TOM1L2: variants seen among roughly 807,000 people sequenced by gnomAD.
The protein encoded by TOM1L2 is TOM1-like protein 2.
A neutral mutation model predicts 67.9 loss-of-function variants in TOM1L2; 31 were observed. The observed-to-expected ratio is 0.46, with a 90% confidence interval of 0.34 to 0.62. The LOEUF (loss-of-function observed/expected upper bound fraction) is 0.62, where lower values mean the gene tolerates loss of function less well. TOM1L2 is among the 20% of genes least tolerant of loss of function. TOM1L2 has a pLI of 0.01. For missense variants in TOM1L2, 606 were observed against 663.5 expected (o/e 0.91, Z 0.95); for synonymous variants, 256 against 254.0 (o/e 1.01, Z -0.07).
At chr17:17,957,896 C>G (rs955422026) in intron 1 of TOM1L2, among the ~76,000 whole-genome samples, 1 of 151,772 alleles carries the variant, frequency 6.6e-6, no homozygotes, top group Non-Finnish European at 1.5e-5. Flanking sequence ...CAAGACCATC[C>G]TGGCTAACAC....
At chr17:17,924,454 G>C (rs2040006589) in intron 1 of TOM1L2, among the ~76,000 whole-genome samples, 1 of 152,124 alleles carries the variant, frequency 6.6e-6, no homozygotes, top group South Asian at 2.1e-4. Flanking sequence ...TCTCAATAAA[G>C]CTGTTGAAAA....
At chr17:17,907,131 C>T (rs372390020) in intron 2 of TOM1L2, among the ~76,000 whole-genome samples, 76 of 152,260 alleles carry the variant, frequency 5.0e-4, no homozygotes, top group Middle Eastern at 6.8e-3. Flanking sequence ...AGGGGAGGGA[C>T]GAGGTGACAC....
intron 1 of TOM1L2, among the ~76,000 whole-genome samples, chr17:17,941,591 TG>T (rs2040736811): frequency 6.6e-6 from 1 of 152,140 alleles, no homozygotes; most frequent in Non-Finnish European, 1.5e-5. Context: ...GTCTTCCCTG[TG>T]GGTCCCTCAC....
chr17:17,847,931 G>T, intron 14 of TOM1L2, 148 bp from the exon 15 acceptor site: 6 of 988,012 alleles, frequency 6.1e-6, no homozygotes, highest in Non-Finnish European at 7.7e-6. Flanking sequence ...TTCGTGAGCT[G>T]CAGTGTGGGG....
At chr17:17,859,281 G>A (rs2036424310) in intron 12 of TOM1L2, 1 of 149,696 alleles carries the variant, frequency 6.7e-6, no homozygotes, top group Non-Finnish European at 1.5e-5. Context: ...CTCCATGTTG[G>A]TCAGGCTGGT....
chr17:17,855,126 G>T (rs867417771), intron 12 of TOM1L2, among the ~76,000 whole-genome samples: 11 of 152,218 alleles, frequency 7.2e-5, no homozygotes, highest in Admixed American at 4.6e-4. Context: ...CACAGGTTTT[G>T]ATCTGAGTGG....
intron 8 of TOM1L2, among the ~76,000 whole-genome samples, chr17:17,868,804 G>A (rs1010115483): frequency 6.6e-6 from 1 of 152,158 alleles, no homozygotes; most frequent in Admixed American, 6.5e-5. Context: ...ATGTGTGCAC[G>A]CTTCCCTAAG....
chr17:17,962,683 G>A (rs2041732764), intron 1 of TOM1L2, among the ~76,000 whole-genome samples: 1 of 152,120 alleles, frequency 6.6e-6, no homozygotes, highest in Non-Finnish European at 1.5e-5. Context: ...TTTTGGGCCT[G>A]GTGTGGTGGC....
intron 2 of TOM1L2, among the ~76,000 whole-genome samples, chr17:17,900,778 T>A (rs186484570): frequency 1.3e-5 from 2 of 152,182 alleles, no homozygotes; most frequent in African/African-American, 4.8e-5. Context: ...TCTGCAAATA[T>A]GGGACTTAAC....
At chr17:17,889,767 T>C (rs2038181676) in intron 4 of TOM1L2, among the ~76,000 whole-genome samples, 2 of 152,230 alleles carry the variant, frequency 1.3e-5, no homozygotes, top group African/African-American at 4.8e-5. Context: ...CCTTCCTGGC[T>C]GGGCCCTCAC....
chr17:17,964,762 T>C (rs1003994940), intron 1 of TOM1L2, among the ~76,000 whole-genome samples: 1 of 152,000 alleles, frequency 6.6e-6, no homozygotes, highest in Admixed American at 6.6e-5. Context: ...TCAAAAAAAA[T>C]AAATAAATAA....
intron 12 of TOM1L2, among the ~76,000 whole-genome samples, chr17:17,855,193 C>G (rs901470714): frequency 6.6e-6 from 1 of 152,208 alleles, no homozygotes; most frequent in Non-Finnish European, 1.5e-5. Context: ...GCAGGGGCAG[C>G]TCTGCCTCAG....
At chr17:17,933,273 A>G (rs1016344375) in intron 1 of TOM1L2, among the ~76,000 whole-genome samples, 2 of 152,190 alleles carry the variant, frequency 1.3e-5, no homozygotes, top group South Asian at 4.1e-4. Context: ...GGGCCAAAGG[A>G]CTTTGCCATC....
chr17:17,926,076 T>TGAGAGA (rs1296869350), intron 1 of TOM1L2, among the ~76,000 whole-genome samples: 27 of 150,428 alleles, frequency 1.8e-4, no homozygotes, highest in African/African-American at 6.4e-4. Flanking sequence ...CAGGCTGAGG[T>TGAGAGA]GAGAGGATCA....
intron 1 of TOM1L2, among the ~76,000 whole-genome samples, chr17:17,923,349 C>T (rs1282668984): frequency 7.2e-5 from 11 of 151,978 alleles, no homozygotes; most frequent in Admixed American, 6.6e-5. Context: ...TGCAGTGAGC[C>T]GAGATCGCGC....
At chr17:17,969,984 G>A (rs1226682654) in intron 1 of TOM1L2, among the ~76,000 whole-genome samples, 1 of 152,128 alleles carries the variant, frequency 6.6e-6, no homozygotes, top group African/African-American at 2.4e-5. Context: ...CTCCCTGACA[G>A]AAGTATCAAG....
intron 1 of TOM1L2, among the ~76,000 whole-genome samples, chr17:17,936,572 A>G (rs1204402789): frequency 1.3e-5 from 2 of 152,210 alleles, no homozygotes; most frequent in East Asian, 3.8e-4. Context: ...AGCAAGGAAA[A>G]AAAGAAAAGA....
intron 4 of TOM1L2, among the ~76,000 whole-genome samples, chr17:17,886,172 ACT>A (rs201006886): frequency 0.039 from 5,904 of 152,240 alleles, 405 homozygotes; most frequent in African/African-American, 0.13. Flanking sequence ...AGCCACAGAA[ACT>A]CTGTCTCTAA....
chr17:17,969,293 G>A (rs927285644), intron 1 of TOM1L2, among the ~76,000 whole-genome samples: 2 of 151,966 alleles, frequency 1.3e-5, no homozygotes, highest in Non-Finnish European at 2.9e-5. Flanking sequence ...CTGACCTCAA[G>A]TGATCCACCA....
Sources: gnomAD v4.1 joint callset for allele counts (sites outside exome capture counted in the v4.1 genomes callset) on GRCh38, gnomAD v4.1.1 for gene constraint, MANE v1.5 for transcripts, NCBI Gene and HGNC (gene_info 2026-07-23, HGNC 2026-07-21) for gene names.